The following SLC16A12 variants were observed in gnomAD, a reference collection of about 807,000 sequenced individuals.
SLC16A12 encodes the protein solute carrier family 16 member 12.
A neutral mutation model predicts 42.4 loss-of-function variants in SLC16A12; 17 were observed. The observed-to-expected ratio is 0.40, with a 90% confidence interval of 0.27 to 0.60. SLC16A12 has a LOEUF of 0.60. SLC16A12 is among the 20% of genes least tolerant of loss of function. The probability of loss-of-function intolerance (pLI) is 0.42; values close to 1 mark genes in which losing one functional copy is unlikely to be tolerated. For missense variants in SLC16A12, 544 were observed against 623.0 expected (o/e 0.87, Z 1.35); for synonymous variants, 224 against 229.4 (o/e 0.98, Z 0.21).
At position 89,469,693 on chromosome 10, in the gene SLC16A12, G is replaced by C. The variant is rs542205464; in HGVS notation, c.-46-7069C>G. ...ATAGAGTATGATGGAAAAATACCAA[G>C]GGTGGGCATTTGGGCTGAGTCCCAG... On this transcript the variant is annotated intron_variant, in intron 2 of 7. Coordinates refer to ENST00000371790, the MANE Select transcript of SLC16A12 (RefSeq NM_213606.4). 1.8e-4 allele frequency among the ~76,000 whole-genome samples: 27 copies of C among 152,298 alleles called. No individual in the cohort carries two copies. In the South Asian group the frequency reaches 5.4e-3, roughly 30 times the overall value.
intron 2 of SLC16A12, among the ~76,000 whole-genome samples, chr10:89,553,095 C>T (rs1458901783): frequency 1.3e-5 from 2 of 152,130 alleles, no homozygotes; most frequent in Non-Finnish European, 2.9e-5. Flanking sequence ...CTTCACCACA[C>T]CCGCATGCCT....
rs58259835 is a variant in SLC16A12, at chr10:89,459,516, ATGTGTGTGTG to A, written c.200+2853_200+2862del. ...AAAGGGCATAGCGGTTTCTGTGTTT[ATGTGTGTGTG>A]TGTGTGTGTGTATGTGTGTGTGTGT... On this transcript the variant is annotated intron_variant, in intron 3 of 7. Coordinates refer to ENST00000371790, the MANE Select transcript of SLC16A12 (RefSeq NM_213606.4). Among the ~76,000 whole-genome samples the A allele has an allele frequency of 1.6e-4, 24 of 149,746 alleles. No homozygotes were observed. The East Asian group carries it at 4.7e-3, about 29-fold the overall frequency.
At chr10:89,525,089 C>T (rs68162511) in intron 2 of SLC16A12, among the ~76,000 whole-genome samples, 1 of 152,030 alleles carries the variant, frequency 6.6e-6, no homozygotes, top group Non-Finnish European at 1.5e-5. Context: ...GGCGTGGCGC[C>T]GTGCGCCTGT....
intron 2 of SLC16A12, among the ~76,000 whole-genome samples, chr10:89,472,491 T>A (rs868497218): frequency 6.7e-5 from 9 of 134,560 alleles, no homozygotes; most frequent in African/African-American, 2.5e-4. Context: ...TTCTTTCTTT[T>A]TTTTTTTTTT....
chr10:89,509,013 T>A (rs980505151), intron 2 of SLC16A12, among the ~76,000 whole-genome samples: 2 of 152,182 alleles, frequency 1.3e-5, no homozygotes, highest in African/African-American at 4.8e-5. Context: ...GACAAATTCC[T>A]GGAAACATAC....
intron 2 of SLC16A12, among the ~76,000 whole-genome samples, chr10:89,485,256 C>T (rs80140076): frequency 0.025 from 3,765 of 152,268 alleles, 105 homozygotes; most frequent in African/African-American, 0.052. Context: ...GAACATTCCA[C>T]AGGACATCCT....
At chr10:89,523,352 T>C (rs74793733) in intron 2 of SLC16A12, among the ~76,000 whole-genome samples, 9,432 of 152,170 alleles carry the variant, frequency 0.062, 385 homozygotes, top group South Asian at 0.1. Flanking sequence ...CATTCCCACC[T>C]CAATGGAAGG....
At position 89,438,095 on chromosome 10, in the gene SLC16A12, G is replaced by A. The variant is rs560486493; in HGVS notation, c.1028+509C>T. On this transcript the variant is annotated intron_variant, in intron 6 of 7. Coordinates refer to ENST00000371790, the MANE Select transcript of SLC16A12 (RefSeq NM_213606.4). ...TTGCTTGAGGACTGACTTGTCTTGG[G>A]ATGGAATTAAATCTACCGCCAGAAC... 2.2e-3 allele frequency among the ~76,000 whole-genome samples: 334 copies of A among 151,338 alleles called. 1 individual carries two copies. Among genetic ancestry groups the A allele is most frequent in the African/African-American group, 7.8e-3 (323 of 41,228 alleles).
chr10:89,438,765 G>A lies in SLC16A12; in HGVS notation c.867C>T (p.Ser289=), dbSNP rs142419410. The change falls in exon 6 of 8, where the codon TCC becomes TCT. Residue 289 remains serine (S), a synonymous_variant. Coordinates refer to ENST00000371790, the MANE Select transcript of SLC16A12 (RefSeq NM_213606.4). ...LMSDFVVLAV[S]VLFMAYGCSP... ...TGCAGCCATAAGCCATAAACAGAAC[G>A]GAGACGGCTAACACAACAAAGTCTG... is the stretch of plus-strand genomic sequence containing the variant. 3.7e-5 allele frequency: 60 copies of A among 1,614,002 alleles called. No homozygotes were observed. Among genetic ancestry groups the A allele is most frequent in the South Asian group, 7.7e-5 (7 of 91,092 alleles).
At chr10:89,486,591 C>CAA (rs374359325) in intron 2 of SLC16A12, among the ~76,000 whole-genome samples, 4 of 42,850 alleles carry the variant, frequency 9.3e-5, no homozygotes, top group Non-Finnish European at 1.5e-4. Context: ...AACCTTGTCT[C>CAA]AAAAAAAAAA....
intron 2 of SLC16A12, among the ~76,000 whole-genome samples, chr10:89,509,793 G>A (rs1382151063): frequency 6.6e-6 from 1 of 152,180 alleles, no homozygotes; most frequent in African/African-American, 2.4e-5. Context: ...AAAACAGGAA[G>A]TCAAATTGTC....
rs1841701665 is a variant in SLC16A12, at chr10:89,431,987, T to G, written c.*1077A>C. 6.6e-6 allele frequency: 1 copy of G among 152,446 alleles called. No individual in the cohort carries two copies. Among genetic ancestry groups the G allele is most frequent in the Admixed American group, 6.5e-5 (1 of 15,284 alleles). The allele number at this position is 152,446 out of a possible 1,614,324, so 9.4% of individuals were successfully genotyped here. ...TTAGAATATCTCTAGGATAATATTT[T>G]TCAGACAACTGACTCCCTCCAATCC... On this transcript the variant is annotated 3_prime_UTR_variant, in exon 8 of 8. Transcript: ENST00000371790.
chr10:89,523,935 G>A (rs911792151), intron 2 of SLC16A12, among the ~76,000 whole-genome samples: 3 of 152,190 alleles, frequency 2.0e-5, no homozygotes, highest in Admixed American at 6.5e-5. Context: ...TGGGTATCGC[G>A]TGAGCACAGT....
At chr10:89,435,928 T>G in intron 7 of SLC16A12, 132 bp downstream of exon 7, 1 of 1,325,230 alleles carries the variant, frequency 7.5e-7, no homozygotes, top group Non-Finnish European at 1.0e-6. Flanking sequence ...TGGGGGCTCT[T>G]ATATCCCTTT....
intron 2 of SLC16A12, among the ~76,000 whole-genome samples, chr10:89,480,146 C>T (rs1364867824): frequency 1.3e-5 from 2 of 152,050 alleles, no homozygotes; most frequent in Non-Finnish European, 2.9e-5. Flanking sequence ...GTTTTTTTGC[C>T]ATCCCACTCC....
chr10:89,495,847 C>CA (rs1352987640), intron 2 of SLC16A12, among the ~76,000 whole-genome samples: 1 of 152,000 alleles, frequency 6.6e-6, no homozygotes, highest in Non-Finnish European at 1.5e-5. Flanking sequence ...ATCACTAGCT[C>CA]AAAAAAAGAT....
At chr10:89,517,322 T>C (rs1017923266) in intron 2 of SLC16A12, among the ~76,000 whole-genome samples, 2 of 150,540 alleles carry the variant, frequency 1.3e-5, no homozygotes, top group African/African-American at 2.4e-5. Context: ...CACCTTTTCT[T>C]TTTTTTTTAA....
At chr10:89,469,294 A>G (rs555339647) in intron 2 of SLC16A12, among the ~76,000 whole-genome samples, 5 of 152,370 alleles carry the variant, frequency 3.3e-5, no homozygotes, top group South Asian at 2.1e-4. Flanking sequence ...ATGTTCTTCT[A>G]AGATTACTGT....
intron 3 of SLC16A12, among the ~76,000 whole-genome samples, chr10:89,444,820 C>T (rs879578835): frequency 2.0e-5 from 3 of 152,182 alleles, no homozygotes; most frequent in Non-Finnish European, 4.4e-5. Flanking sequence ...ACCCAGGAAG[C>T]ACAAGGGGAT....
Sources: allele counts gnomAD v4.1 joint callset (sites outside exome capture counted in the v4.1 genomes callset), GRCh38; gene constraint gnomAD v4.1.1; transcripts MANE v1.5; gene names NCBI Gene and HGNC (gene_info 2026-07-23, HGNC 2026-07-21).